Variants in RFTN1 observed in about 807,000 individuals in gnomAD.
RFTN1 encodes the protein raftlin.
RFTN1 carries 26 observed loss-of-function variants against 46.5 expected under a neutral mutation model. The ratio of observed to expected loss-of-function variants is 0.56; its 90% confidence interval spans 0.41 to 0.78. The LOEUF is 0.78. Among genes scored for constraint, RFTN1 ranks in the 30% least tolerant of loss-of-function variants. The pLI is 0.00. For missense variants in RFTN1, 693 were observed against 718.7 expected, an observed-to-expected ratio of 0.96 and a Z score of 0.41; for synonymous variants, 261 against 284.2, an observed-to-expected ratio of 0.92 and a Z score of 0.82.
chr3:16,323,353 G>A (rs1359859642), intron 9 of RFTN1, 23 bp downstream of exon 9: 3 of 1,553,246 alleles, frequency 1.9e-6, no homozygotes, highest in Non-Finnish European at 2.7e-6. Flanking sequence ...GGAAAACCTA[G>A]GAAGGCCATC....
In RFTN1 at chr3:16,449,761, G is replaced by A. The variant is rs1029001592; in HGVS notation, c.146-15724C>T. Reference sequence around the variant, plus strand: ...AACATCAAGACTCAGAAAAATCAACGAGACAAAAGCCATGCTGACAGACTG... The same window carrying A: ...AACATCAAGACTCAGAAAAATCAACAAGACAAAAGCCATGCTGACAGACTG... On this transcript the variant is annotated intron_variant, in intron 2 of 9. Transcript: ENST00000334133. This position sits in a 1 kb window ranked among gnomAD's most constrained non-coding sequence, Gnocchi z 5.1. Among the ~76,000 whole-genome samples, 2 of 152,296 alleles carry A rather than the reference G, an allele frequency of 1.3e-5. No individual in the cohort carries two copies. Among genetic ancestry groups the A allele is most frequent in the Non-Finnish European group, 2.9e-5 (2 of 68,030 alleles).
At chr3:16,377,454 G>A (rs184096233) in intron 5 of RFTN1, among the ~76,000 whole-genome samples, 3 of 152,356 alleles carry the variant, frequency 2.0e-5, no homozygotes, top group Admixed American at 2.0e-4. Flanking sequence ...AGAGCTCACA[G>A]TCTAGAATCC....
At chr3:16,432,944 C>G (rs1245103562) in intron 3 of RFTN1, among the ~76,000 whole-genome samples, 1 of 151,888 alleles carries the variant, frequency 6.6e-6, no homozygotes, top group Non-Finnish European at 1.5e-5. Flanking sequence ...CACAGCTGTC[C>G]CTTATGAGCA....
At chr3:16,437,485 T>G (rs1271042056) in intron 2 of RFTN1, among the ~76,000 whole-genome samples, 1 of 151,826 alleles carries the variant, frequency 6.6e-6, no homozygotes, top group African/African-American at 2.4e-5. Flanking sequence ...AGGGCAAAAC[T>G]CCATCTGTAC....
At position 16,479,175 on chromosome 3, in the gene RFTN1, C is replaced by CTA. The variant is rs1236075327; in HGVS notation, c.145+14549_145+14550insTA. Among the ~76,000 whole-genome samples the CTA allele has an allele frequency of 2.0e-5, 3 of 152,180 alleles. No homozygotes were observed. Among genetic ancestry groups the CTA allele is most frequent in the African/African-American group, 7.2e-5 (3 of 41,452 alleles). On this transcript the variant is annotated intron_variant, in intron 2 of 9. Transcript: ENST00000334133. The surrounding 1 kb of genome is among the most constrained non-coding windows in gnomAD (Gnocchi z 5.1). ...CTGTATAGTACTCTAACATTCCTTG[C>CTA]AGGTAGGAGAACAAAACCTTGGCTG...
rs1362353330 is a variant in RFTN1 at position 16,448,674 on chromosome 3, C to A, written c.146-14637G>T. On this transcript the variant is annotated intron_variant, in intron 2 of 9. Transcript: ENST00000334133. The surrounding 1 kb of genome is among the most constrained non-coding windows in gnomAD (Gnocchi z 4.1). ...CCTTAAATGCCTGCTCTTCAAGAAT[C>A]TCTAGTAACACAATCACACTGCTTC... Among the ~76,000 whole-genome samples the A allele has an allele frequency of 6.6e-6, 1 of 152,174 alleles. No individual in the cohort carries two copies. Among genetic ancestry groups the A allele is most frequent in the African/African-American group, 2.4e-5 (1 of 41,442 alleles).
Position 16,356,011 on chromosome 3 carries a change from C to G in RFTN1, c.1146+1921G>C, listed in dbSNP as rs976538401. Among the ~76,000 whole-genome samples, 1 of 152,208 alleles carries G rather than the reference C, an allele frequency of 6.6e-6. No individual in the cohort carries two copies. The highest frequency in any genetic ancestry group is 6.5e-5 in the Admixed American group (1 of 15,284). ...GTGCAGCCATGCATCGCTACTGTTACAGCCAAATGTTACGGAGCAAACTGA... is the reference window on the plus strand; with the variant it reads ...GTGCAGCCATGCATCGCTACTGTTAGAGCCAAATGTTACGGAGCAAACTGA... On this transcript the variant is annotated intron_variant, in intron 7 of 9. Transcript: ENST00000334133. The surrounding 1 kb of genome is among the most constrained non-coding windows in gnomAD (Gnocchi z 4.9).
chr3:16,391,890 T>TTTTTTTTTTTTTTA, intron 4 of RFTN1, among the ~76,000 whole-genome samples: 1 of 27,828 alleles, frequency 3.6e-5, no homozygotes, highest in Non-Finnish European at 7.6e-5. Flanking sequence ...TTGTTTTTTT[T>TTTTTTTTTTTTTTA]TTTGTTTTTT....
intron 6 of RFTN1, 132 bp downstream of exon 6, chr3:16,369,943 GA>G: frequency 3.6e-6 from 3 of 837,858 alleles, no homozygotes; most frequent in Non-Finnish European, 5.7e-6. Flanking sequence ...GTGTTAATTA[GA>G]AATAAAATGC....
rs1157397729 is a variant in RFTN1, at chr3:16,427,075, G to A, written c.332+6776C>T. 1.3e-5 allele frequency among the ~76,000 whole-genome samples: 2 copies of A among 152,224 alleles called. No homozygotes were observed. Among genetic ancestry groups the A allele is most frequent in the Non-Finnish European group, 2.9e-5 (2 of 68,044 alleles). On this transcript the variant is annotated intron_variant, in intron 3 of 9. Transcript: ENST00000334133. The surrounding 1 kb of genome is among the most constrained non-coding windows in gnomAD (Gnocchi z 5.4). Reference sequence around the variant, plus strand: ...TGTGTGATTACCTCTACTGATGTAAGCACTACACAGAAATCTTAGAGGCTG... The same window carrying A: ...TGTGTGATTACCTCTACTGATGTAAACACTACACAGAAATCTTAGAGGCTG...
Position 16,346,529 on chromosome 3 carries a change from G to T in RFTN1, c.1146+11403C>A, listed in dbSNP as rs995365501. ...CATCCTGCCTTGCTAGTCCCCCTCA[G>T]TGGCACATTCTGTTGGCTGCCAAAG... On this transcript the variant is annotated intron_variant, in intron 7 of 9. Transcript: ENST00000334133. The surrounding 1 kb of genome is among the most constrained non-coding windows in gnomAD (Gnocchi z 4.4). 4 of 152,122 alleles carry T rather than the reference G, an allele frequency of 2.6e-5. No individual in the cohort carries two copies. Among genetic ancestry groups the T allele is most frequent in the African/African-American group, 9.7e-5 (4 of 41,404 alleles). 9.4% of individuals were successfully genotyped at this position (152,122 alleles called of 1,614,324 possible). A position where few individuals can be genotyped will look rare whatever the true frequency, so the allele number is the denominator to read the frequency against.
At chr3:16,456,993 T>C (rs932771116) in intron 2 of RFTN1, among the ~76,000 whole-genome samples, 1 of 152,206 alleles carries the variant, frequency 6.6e-6, no homozygotes, top group Non-Finnish European at 1.5e-5. Context: ...GTATTATGTG[T>C]CAATAAAAAG....
intron 3 of RFTN1, 126 bp from the exon 4 acceptor site, chr3:16,409,609 C>G (rs753967467): frequency 2.0e-5 from 12 of 602,452 alleles, no homozygotes; most frequent in Non-Finnish European, 3.6e-5. Context: ...CCCCCACCTC[C>G]CGGGTTCAAG....
chr3:16,417,861 C>T (rs2075112622), intron 3 of RFTN1, among the ~76,000 whole-genome samples: 1 of 152,188 alleles, frequency 6.6e-6, no homozygotes, highest in Non-Finnish European at 1.5e-5. Context: ...GCGTGTACCA[C>T]CACACCCAGC....
chr3:16,455,500 G>T (rs955910823), intron 2 of RFTN1, among the ~76,000 whole-genome samples: 4 of 152,156 alleles, frequency 2.6e-5, no homozygotes, highest in African/African-American at 9.7e-5. Flanking sequence ...CCTGACAGAT[G>T]AAAACACTCA....
At chr3:16,347,540 A>G (rs953841121) in intron 7 of RFTN1, 8 of 151,852 alleles carry the variant, frequency 5.3e-5, no homozygotes, top group East Asian at 3.9e-4. Context: ...AGCATTTTCA[A>G]CTCTCTACTC....
intron 8 of RFTN1, among the ~76,000 whole-genome samples, 178 bp from the exon 9 acceptor site, chr3:16,323,635 G>T (rs2069341540): frequency 1.3e-5 from 2 of 152,172 alleles, no homozygotes; most frequent in Non-Finnish European, 2.9e-5. Flanking sequence ...CTTCCGAGGG[G>T]CTATCTCAGA....
chr3:16,323,527 G>T, intron 8 of RFTN1, 70 bp from the exon 9 acceptor site: 2 of 1,105,888 alleles, frequency 1.8e-6, no homozygotes, highest in Non-Finnish European at 2.7e-6. Context: ...CACAGATGTT[G>T]CCATCCCTAA....
At position 16,504,627 on chromosome 3, in the gene RFTN1, T is replaced by G. The variant is rs1384405484; in HGVS notation, c.-9+8815A>C. Reference sequence around the variant, plus strand: ...TTTGGGAACCACCAATACATAGTATTATGTATGCTCAAAAAAGTTACTTAC... The same window carrying G: ...TTTGGGAACCACCAATACATAGTATGATGTATGCTCAAAAAAGTTACTTAC... On this transcript the variant is annotated intron_variant, in intron 1 of 9. Coordinates refer to ENST00000334133, the MANE Select transcript of RFTN1 (RefSeq NM_015150.2). This position sits in a 1 kb window ranked among gnomAD's most constrained non-coding sequence, Gnocchi z 4.4. Among the ~76,000 whole-genome samples the G allele has an allele frequency of 2.0e-5, 3 of 152,172 alleles. No homozygotes were observed. The East Asian group carries it at 5.8e-4, about 29-fold the overall frequency.
Sources: gnomAD v4.1 joint callset for allele counts (sites outside exome capture counted in the v4.1 genomes callset) on GRCh38, gnomAD v4.1.1 for gene constraint, Gnocchi (gnomAD v3.1) non-coding constraint, MANE v1.5 for transcripts, NCBI Gene and HGNC (gene_info 2026-07-23, HGNC 2026-07-21) for gene names.